CHD1: variants seen among roughly 807,000 people sequenced by gnomAD.
CHD1 encodes chromodomain helicase DNA binding protein 1, also known as ATP-dependent chromatin remodeler CHD1.
CHD1 carries 36 observed loss-of-function variants against 224.2 expected under a neutral mutation model. The ratio of observed to expected loss-of-function variants is 0.16; its 90% confidence interval spans 0.12 to 0.21. The LOEUF (loss-of-function observed/expected upper bound fraction) is 0.21, where lower values mean the gene tolerates loss of function less well. CHD1 is among the 10% of genes least tolerant of loss of function. CHD1 has a pLI of 1.00. For synonymous variants in CHD1, 668 were observed against 658.3 expected (o/e 1.01, Z -0.23); for missense variants, 1,378 against 1,994.8 (o/e 0.69, Z 5.89).
At position 98,901,211 on chromosome 5, in the gene CHD1, C is replaced by G. The variant is rs770556898; in HGVS notation, c.562G>C (p.Val188Leu). ...TESDYEPKNK[V>L]KSRKPQNRSK... ...CTATTTTGAGGTTTTCTGCTTTTGACTTTGTTTTTTGGCTCATAATCAGAT... is the reference window on the plus strand; with the variant it reads ...CTATTTTGAGGTTTTCTGCTTTTGAGTTTGTTTTTTGGCTCATAATCAGAT... Residue 188 changes from valine (V) to leucine (L), a missense_variant, in exon 6 of 36, where the codon GTC becomes CTC. This residue lies in a region of CHD1 where 306 missense variants were observed against 298.1 expected (regional missense o/e 1.03). Coordinates refer to ENST00000614616, the MANE Select transcript of CHD1 (RefSeq NM_001270.4). The G allele has an allele frequency of 1.2e-6, 2 of 1,612,250 alleles. No individual in the cohort carries two copies. Among genetic ancestry groups the G allele is most frequent in the African/African-American group, 2.7e-5 (2 of 74,824 alleles).
chr5:98,911,186 T>C (rs1752402665), intron 2 of CHD1, among the ~76,000 whole-genome samples: 1 of 120,472 alleles, frequency 8.3e-6, no homozygotes, highest in South Asian at 2.6e-4. Flanking sequence ...TAGAGGCATG[T>C]CAAAAAGGAC....
rs2112521984 is a variant in CHD1, at chr5:98,900,823, C to T, written c.847G>A (p.Gly283Arg). The T allele has an allele frequency of 1.9e-6, 3 of 1,607,706 alleles. No homozygotes were observed. Among genetic ancestry groups the T allele is most frequent in the Non-Finnish European group, 2.5e-6 (3 of 1,178,284 alleles). ...TIERFMDCRI[G>R]RKGATGATTT... ...TTTTAAAAACTACCTCCTTTTCTCCCAATCCGACAATCCATAAATCTTTCT... is the reference window on the plus strand; with the variant it reads ...TTTTAAAAACTACCTCCTTTTCTCCTAATCCGACAATCCATAAATCTTTCT... The change falls in exon 7 of 36, where the codon GGG becomes AGG. Residue 283 changes from glycine to arginine, a missense_variant. Transcript: ENST00000614616.
At chr5:98,918,860 C>T (rs1261302048) in intron 2 of CHD1, among the ~76,000 whole-genome samples, 5 of 151,222 alleles carry the variant, frequency 3.3e-5, no homozygotes, top group African/African-American at 9.7e-5. Flanking sequence ...ATGAAAATTA[C>T]AAAAGTTAAA....
chr5:98,899,416 T>C (rs1343401395), intron 8 of CHD1, 64 bp downstream of exon 8: 9 of 1,021,032 alleles, frequency 8.8e-6, no homozygotes, highest in Admixed American at 6.1e-5. Context: ...GTATTCTTTA[T>C]TAACATAAAG....
chr5:98,887,037 GTTCT>G (rs997471302), intron 17 of CHD1, among the ~76,000 whole-genome samples: 5 of 152,080 alleles, frequency 3.3e-5, no homozygotes, highest in Non-Finnish European at 5.9e-5. Context: ...AAGGCTACAG[GTTCT>G]TTCTGATGAA....
At position 98,868,897 on chromosome 5, in the gene CHD1, T is replaced by C. The variant is rs325205; in HGVS notation, c.4108-262A>G. 1.1e-3 allele frequency: 529 copies of C among 501,186 alleles called. 3 individuals carry two copies. Among genetic ancestry groups the C allele is most frequent in the African/African-American group, 9.7e-3 (478 of 49,370 alleles). 31.0% of individuals were successfully genotyped at this position (501,186 alleles called of 1,614,324 possible). A position where few individuals can be genotyped will look rare whatever the true frequency, so the allele number is the denominator to read the frequency against. The stretch of plus-strand genomic sequence containing the variant: ...TTCTCCTCTACTGCATACCCAAACA[T>C]GCTTCTGAAGAACTCAGTTATTGAG... On this transcript the variant is annotated intron_variant, in intron 30 of 35. Coordinates refer to ENST00000614616, the MANE Select transcript of CHD1 (RefSeq NM_001270.4).
In CHD1 at chr5:98,863,428, T is replaced by G; in HGVS notation, c.4407A>C (p.Glu1469Asp). The change falls in exon 32 of 36, where the codon GAA becomes GAC. Residue 1469 changes from glutamate to aspartate, a missense_variant. By Grantham distance (45) the Glu-to-Asp change is conservative (BLOSUM62 2). This residue lies in a region of CHD1 where 278 missense variants were observed against 298.5 expected (regional missense o/e 0.93). Coordinates refer to ENST00000614616, the MANE Select transcript of CHD1 (RefSeq NM_001270.4). The stretch of plus-strand genomic sequence containing the variant: ...CTTACTTTCTCCATTGCTTAATTTG[T>G]TCAGGATTTGTATACTCTTTTAGAC... ...TECLKEYTNP[E>D]QIKQWRKNLW... 6.4e-7 allele frequency: 1 copy of G among 1,563,458 alleles called. No homozygotes were observed. Among genetic ancestry groups the G allele is most frequent in the Non-Finnish European group, 8.7e-7 (1 of 1,155,542 alleles).
intron 31 of CHD1, among the ~76,000 whole-genome samples, chr5:98,864,740 T>A (rs965697900): frequency 6.6e-6 from 1 of 152,074 alleles, no homozygotes; most frequent in Non-Finnish European, 1.5e-5. Context: ...ACCTCTCTTA[T>A]TATAAATAAA....
intron 2 of CHD1, among the ~76,000 whole-genome samples, chr5:98,907,070 T>C (rs1580488352): frequency 1.3e-5 from 2 of 152,212 alleles, no homozygotes; most frequent in African/African-American, 4.8e-5. Flanking sequence ...TCCAGATGCA[T>C]AGCTAGTAAA....
At chr5:98,861,401 T>C (rs1015022715) in intron 32 of CHD1, among the ~76,000 whole-genome samples, 1 of 152,200 alleles carries the variant, frequency 6.6e-6, no homozygotes, top group Non-Finnish European at 1.5e-5. Context: ...ATTTCAGTTG[T>C]TTTTAAGAAA....
intron 2 of CHD1, among the ~76,000 whole-genome samples, chr5:98,912,009 CTTT>C (rs1491161086): frequency 6.6e-6 from 1 of 151,870 alleles, no homozygotes. Flanking sequence ...TAAAAGAATA[CTTT>C]TTTTATTCTA....
At chr5:98,905,243 T>C in intron 2 of CHD1, 145 bp from the exon 3 acceptor site, 1 of 893,810 alleles carries the variant, frequency 1.1e-6, no homozygotes, top group Non-Finnish European at 1.7e-6. Flanking sequence ...AAAAAGGAAT[T>C]GATTTAATCT....
At chr5:98,888,927 G>C in intron 16 of CHD1, 149 bp downstream of exon 16, 3 of 453,698 alleles carry the variant, frequency 6.6e-6, no homozygotes, top group Middle Eastern at 6.0e-4. Context: ...TTTCTACAAA[G>C]ATTAATAACT....
In CHD1 at chr5:98,880,951, G is replaced by A. The variant is rs115478593; in HGVS notation, c.3060+125C>T. The A allele has an allele frequency of 8.4e-4, 573 of 679,912 alleles. 3 individuals are homozygous for A. In the African/African-American group the frequency reaches 8.9e-3, roughly 11 times the overall value. The allele number at this position is 679,912 out of a possible 1,614,324, so 42.1% of individuals were successfully genotyped here. A position where few individuals can be genotyped will look rare whatever the true frequency, so the allele number is the denominator to read the frequency against. On this transcript the variant is annotated intron_variant, in intron 22 of 35. Coordinates refer to ENST00000614616, the MANE Select transcript of CHD1 (RefSeq NM_001270.4). The stretch of plus-strand genomic sequence containing the variant: ...TACTGGTTTGTCTGAACAAGAGAGA[G>A]TAGTTTTTACATAACACAGCAATCT...
chr5:98,894,109 T>C (rs1293518440), intron 13 of CHD1, among the ~76,000 whole-genome samples: 1 of 152,212 alleles, frequency 6.6e-6, no homozygotes, highest in Non-Finnish European at 1.5e-5. Context: ...GCCAAGTTCA[T>C]TAAATTCTTT....
At chr5:98,871,369 CAAAAAA>C (rs61406690) in intron 28 of CHD1, among the ~76,000 whole-genome samples, 1 of 46,778 alleles carries the variant, frequency 2.1e-5, no homozygotes, top group African/African-American at 1.1e-4. Context: ...CCATTTTAGG[CAAAAAA>C]AAAAAAAAAA....
intron 31 of CHD1, among the ~76,000 whole-genome samples, 164 bp downstream of exon 31, chr5:98,868,331 G>GAAAAAAAAAAAAAA (rs58475767): frequency 1.1e-4 from 10 of 91,676 alleles, no homozygotes; most frequent in African/African-American, 1.5e-4. Flanking sequence ...ACTCAAAAAA[G>GAAAAAAAAAAAAAA]AAAAAAAAAA....
chr5:98,874,973 A>G, intron 25 of CHD1, 99 bp downstream of exon 25: 1 of 687,490 alleles, frequency 1.5e-6, no homozygotes, highest in Admixed American at 2.9e-5. Flanking sequence ...ATTAAAAGCA[A>G]ATTTAACAAA....
chr5:98,903,075 T>C (rs1751826018), intron 4 of CHD1, 111 bp from the exon 5 acceptor site: 8 of 537,576 alleles, frequency 1.5e-5, no homozygotes, highest in Non-Finnish European at 2.6e-5. Flanking sequence ...ACAGCACTTG[T>C]GAAGCCTTTT....
Sources: allele counts gnomAD v4.1 joint callset (sites outside exome capture counted in the v4.1 genomes callset), GRCh38; gene constraint gnomAD v4.1.1; regional missense constraint gnomAD v4.1.1; transcripts MANE v1.5; gene names NCBI Gene and HGNC (gene_info 2026-07-23, HGNC 2026-07-21).